The following PITPNM3 variants were observed in gnomAD, a reference collection of about 807,000 sequenced individuals.
The protein encoded by PITPNM3 is PITPNM family member 3.
Under a neutral mutation model 102.0 loss-of-function variants are expected in PITPNM3, and 26 were observed. The ratio of observed to expected loss-of-function variants is 0.25; its 90% CI spans 0.19 to 0.35. The LOEUF (loss-of-function observed/expected upper bound fraction) is 0.35. Among genes scored for constraint, PITPNM3 ranks in the 10% least tolerant of loss-of-function variants. The probability of loss-of-function intolerance (pLI) is 1.00; values close to 1 mark genes in which losing one functional copy is unlikely to be tolerated. For missense variants in PITPNM3, 1,083 were observed against 1,346.1 expected, an observed-to-expected ratio of 0.80 and a Z score of 3.06; for synonymous variants, 578 against 558.6, an observed-to-expected ratio of 1.03 and a Z score of -0.49.
intron 2 of PITPNM3, among the ~76,000 whole-genome samples, chr17:6,533,162 A>G (rs895763341): frequency 6.6e-6 from 1 of 151,926 alleles, no homozygotes; most frequent in Non-Finnish European, 1.5e-5. Context: ...GGGTTTCTCC[A>G]TGTTGATCAG....
intron 9 of PITPNM3, 116 bp downstream of exon 9, chr17:6,476,913 C>CA (rs1905332918): frequency 2.3e-6 from 3 of 1,326,836 alleles, no homozygotes; most frequent in African/African-American, 2.9e-5. Context: ...TTGGTCCCAG[C>CA]ATTTCAGTGC....
Position 6,471,434 on chromosome 17 carries a change from G to A in PITPNM3, c.1430-79C>T, listed in dbSNP as rs1905070569. 8.9e-6 allele frequency: 12 copies of A among 1,343,660 alleles called. No individual in the cohort carries two copies. In the South Asian group the frequency reaches 1.6e-4, roughly 18 times the overall value. The allele number at this position is 1,343,660 out of a possible 1,614,324, so 83.2% of individuals were successfully genotyped here. ...CCACTCAGTGCCAGCCCCATGCTGG[G>A]AGGGAGGCTGGGCACTTGGAGGAGT... On this transcript the variant is annotated intron_variant, in intron 11 of 19. Coordinates refer to ENST00000262483, the MANE Select transcript of PITPNM3 (RefSeq NM_031220.4).
chr17:6,532,205 G>T (rs1395021861), intron 2 of PITPNM3, among the ~76,000 whole-genome samples: 1 of 151,902 alleles, frequency 6.6e-6, no homozygotes, highest in African/African-American at 2.4e-5. Context: ...TTCGCAGGTG[G>T]CTCATTTCTC....
In PITPNM3 at chr17:6,474,586, T is replaced by C. The variant is rs2150728810; in HGVS notation, c.1104A>G (p.Leu368=). Residue 368 remains leucine (L), a synonymous_variant, in exon 10 of 20, where the codon CTA becomes CTG. Coordinates refer to ENST00000262483, the MANE Select transcript of PITPNM3 (RefSeq NM_031220.4). ...CCGCCGGGGTCTCAGACTCATCCTT[T>C]AGCACGCTGGAGTGGATGCTGCGGA... ...AFLSSIHSSV[L]KDESETPAAG... 10 of 1,574,196 alleles carry C rather than the reference T, an allele frequency of 6.4e-6. No individual in the cohort carries two copies. The East Asian group carries it at 2.4e-4, about 37-fold the overall frequency.
rs1334443381 is a variant in PITPNM3, at chr17:6,469,868, A to G, written c.1773+392T>C. Among the ~76,000 whole-genome samples the G allele has an allele frequency of 1.3e-5, 2 of 152,072 alleles. No homozygotes were observed. The highest frequency in any genetic ancestry group is 4.8e-5 in the African/African-American group (2 of 41,404). The stretch of plus-strand genomic sequence containing the variant: ...ACATCATGACCCCTACCAGCTCCCC[A>G]GACTCCCTCCCCACCAGGCTCTCCT... On this transcript the variant is annotated intron_variant, in intron 13 of 19. Coordinates refer to ENST00000262483, the MANE Select transcript of PITPNM3 (RefSeq NM_031220.4). The surrounding 1 kb of genome is among the most constrained non-coding windows in gnomAD (Gnocchi z 4.0).
chr17:6,512,378 A>G (rs892530477), intron 3 of PITPNM3, among the ~76,000 whole-genome samples: 1 of 152,214 alleles, frequency 6.6e-6, no homozygotes, highest in African/African-American at 2.4e-5. Flanking sequence ...AAAGCCAACA[A>G]TGTGGAAGGA....
chr17:6,451,947 C>G lies in PITPNM3; in HGVS notation c.*3391G>C, dbSNP rs532394938. Reference sequence around the variant, plus strand: ...TAAGGCGGGGTCAGGGCACCCCTCCCGGGGCTGCACCTGGGCTAGGGGGGA... The same window carrying G: ...TAAGGCGGGGTCAGGGCACCCCTCCGGGGGCTGCACCTGGGCTAGGGGGGA... On this transcript the variant is annotated 3_prime_UTR_variant, in exon 20 of 20. Coordinates refer to ENST00000262483, the MANE Select transcript of PITPNM3 (RefSeq NM_031220.4). 7 of 151,626 alleles carry G rather than the reference C, an allele frequency of 4.6e-5. No individual in the cohort carries two copies. The highest frequency in any genetic ancestry group is 1.7e-4 in the African/African-American group (7 of 41,260). 9.4% of individuals were successfully genotyped at this position (151,626 alleles called of 1,614,324 possible).
chr17:6,478,997 GCAGTCTCTATTGC>G lies in PITPNM3; in HGVS notation c.588-274_588-262del. 1 of 541,428 alleles carries G rather than the reference GCAGTCTCTATTGC, an allele frequency of 1.8e-6. No individual in the cohort carries two copies. 33.5% of individuals were successfully genotyped at this position (541,428 alleles called of 1,614,324 possible). A position where few individuals can be genotyped will look rare whatever the true frequency, so the allele number is the denominator to read the frequency against. On this transcript the variant is annotated intron_variant, in intron 6 of 19. Coordinates refer to ENST00000262483, the MANE Select transcript of PITPNM3 (RefSeq NM_031220.4). The surrounding 1 kb of genome is among the most constrained non-coding windows in gnomAD (Gnocchi z 4.4). ...TGTGGGCCCTGGGGTCCCTGTGACT[GCAGTCTCTATTGC>G]CCTCTTCTGCATGGCCCCAAAGGGC...
In PITPNM3 at chr17:6,468,545, G is replaced by T. The variant is rs369013456; in HGVS notation, c.1774-204C>A. ...CTGGGGCCAGAGCAGTCTCCCAGCT[G>T]GCTCCCTTCCTGAGAGAAGTCTCTG... On this transcript the variant is annotated intron_variant, in intron 13 of 19. Transcript: ENST00000262483. The surrounding 1 kb of genome is among the most constrained non-coding windows in gnomAD (Gnocchi z 5.2). Among the ~76,000 whole-genome samples, 18 of 152,254 alleles carry T rather than the reference G, an allele frequency of 1.2e-4. No individual in the cohort carries two copies. Among genetic ancestry groups the T allele is most frequent in the African/African-American group, 4.3e-4 (18 of 41,552 alleles).
rs1908280368 is a variant in PITPNM3 at position 6,517,969 on chromosome 17, G to A, written c.226+7387C>T. Among the ~76,000 whole-genome samples the A allele has an allele frequency of 6.6e-6, 1 of 152,042 alleles. No homozygotes were observed. The highest frequency in any genetic ancestry group is 1.5e-5 in the Non-Finnish European group (1 of 68,016). On this transcript the variant is annotated intron_variant, in intron 3 of 19. Coordinates refer to ENST00000262483, the MANE Select transcript of PITPNM3 (RefSeq NM_031220.4). This position sits in a 1 kb window ranked among gnomAD's most constrained non-coding sequence, Gnocchi z 4.1. ...TCAATAAAAAACAAGAAAAGGGGAAGGAGAAAACTGTATTGATAATATCTT... is the reference window on the plus strand; with the variant it reads ...TCAATAAAAAACAAGAAAAGGGGAAAGAGAAAACTGTATTGATAATATCTT...
rs947005675 is a variant in PITPNM3 at position 6,451,917 on chromosome 17, T to C, written c.*3421A>G. The C allele has an allele frequency of 2.4e-4, 20 of 82,814 alleles. No individual in the cohort carries two copies. The highest frequency in any genetic ancestry group is 9.2e-4 in the African/African-American group (20 of 21,846). 5.1% of individuals were successfully genotyped at this position (82,814 alleles called of 1,614,324 possible). A position where few individuals can be genotyped will look rare whatever the true frequency, so the allele number is the denominator to read the frequency against. The stretch of plus-strand genomic sequence containing the variant: ...CGATGGGATTCGGTGGGAAAGTTGG[T>C]TGTTTAAGGCGGGGTCAGGGCACCC... On this transcript the variant is annotated 3_prime_UTR_variant, in exon 20 of 20. Transcript: ENST00000262483.
chr17:6,502,411 G>A (rs933919288), intron 4 of PITPNM3, among the ~76,000 whole-genome samples: 6 of 152,136 alleles, frequency 3.9e-5, no homozygotes, highest in African/African-American at 9.7e-5. Context: ...AGCCGAGATC[G>A]TGCCATTGCG....
At chr17:6,460,564 T>C (rs1904391441) in intron 18 of PITPNM3, 1 of 152,516 alleles carries the variant, frequency 6.6e-6, no homozygotes, top group African/African-American at 2.4e-5. Flanking sequence ...ACAGATGAGC[T>C]TGGCTGTGTT....
At position 6,478,899 on chromosome 17, in the gene PITPNM3, T is replaced by C. The variant is rs1292496929; in HGVS notation, c.588-163A>G. ...GCCTGGTGACACAGAGCACAGGCAG[T>C]GTGGGGAGGAGAGGGGAAGAGGATT... On this transcript the variant is annotated intron_variant, in intron 6 of 19. Coordinates refer to ENST00000262483, the MANE Select transcript of PITPNM3 (RefSeq NM_031220.4). The surrounding 1 kb of genome is among the most constrained non-coding windows in gnomAD (Gnocchi z 4.4). The C allele has an allele frequency of 4.5e-6, 3 of 665,706 alleles. No homozygotes were observed. Among genetic ancestry groups the C allele is most frequent in the African/African-American group, 3.6e-5 (2 of 54,986 alleles). The allele number at this position is 665,706 out of a possible 1,614,324, so 41.2% of individuals were successfully genotyped here.
intron 10 of PITPNM3, among the ~76,000 whole-genome samples, chr17:6,474,015 G>A (rs568855567): frequency 6.7e-6 from 1 of 149,614 alleles, no homozygotes; most frequent in African/African-American, 2.5e-5. Flanking sequence ...GGTATTGCAT[G>A]AGCAAAGGCA....
intron 3 of PITPNM3, among the ~76,000 whole-genome samples, chr17:6,505,289 T>C (rs1411025315): frequency 6.6e-6 from 1 of 151,836 alleles, no homozygotes; most frequent in African/African-American, 2.4e-5. Flanking sequence ...TCTTGTTTTA[T>C]TTACTTGTTT....
intron 1 of PITPNM3, among the ~76,000 whole-genome samples, chr17:6,554,797 G>A (rs916635684): frequency 6.6e-6 from 1 of 152,182 alleles, no homozygotes; most frequent in Non-Finnish European, 1.5e-5. Flanking sequence ...ATTTCTCTGA[G>A]TATCTGTTTC....
At chr17:6,466,998 G>A (rs1904807270) in intron 14 of PITPNM3, among the ~76,000 whole-genome samples, 2 of 149,690 alleles carry the variant, frequency 1.3e-5, no homozygotes, top group Admixed American at 1.3e-4. Context: ...AGGGAGGGGA[G>A]GTTACAGTGA....
chr17:6,479,169 G>A (rs1172925092), intron 6 of PITPNM3: 3 of 184,018 alleles, frequency 1.6e-5, no homozygotes, highest in Admixed American at 1.6e-4. Flanking sequence ...GAGAAGCTGG[G>A]AAAGGAGGAG....
Sources: gnomAD v4.1 joint callset for allele counts (sites outside exome capture counted in the v4.1 genomes callset) on GRCh38, gnomAD v4.1.1 for gene constraint, Gnocchi (gnomAD v3.1) non-coding constraint, MANE v1.5 for transcripts, NCBI Gene and HGNC (gene_info 2026-07-23, HGNC 2026-07-21) for gene names.